Variants in LRRK1 observed in about 807,000 individuals in gnomAD.
LRRK1 encodes leucine-rich repeat serine/threonine-protein kinase 1.
Under a neutral mutation model 209.1 loss-of-function variants are expected in LRRK1, and 113 were observed. The observed-to-expected ratio is 0.54, with a 90% CI of 0.46 to 0.63. The LOEUF is 0.63. LRRK1 is among the 30% of genes least tolerant of loss of function. The probability of loss-of-function intolerance (pLI) is 0.00; values close to 1 mark genes in which losing one functional copy is unlikely to be tolerated. For missense variants in LRRK1, 2,284 were observed against 2,632.2 expected (o/e 0.87, Z 2.89); for synonymous variants, 1,144 against 1,099.7 (o/e 1.04, Z -0.80).
chr15:101,061,105 A>G (rs1434141572), intron 29 of LRRK1, 66 bp from the exon 30 acceptor site: 8 of 1,233,228 alleles, frequency 6.5e-6, no homozygotes, highest in Middle Eastern at 1.9e-4. Context: ...CTGGCAGGCC[A>G]GGCTCAGGGA....
At chr15:100,967,774 C>T (rs1185532173) in intron 2 of LRRK1, among the ~76,000 whole-genome samples, 2 of 152,230 alleles carry the variant, frequency 1.3e-5, no homozygotes, top group Non-Finnish European at 2.9e-5. Flanking sequence ...TCTTGCCTTT[C>T]TATCCAACCA....
intron 2 of LRRK1, among the ~76,000 whole-genome samples, chr15:100,925,794 G>C (rs2042099298): frequency 6.6e-6 from 1 of 152,180 alleles, no homozygotes. Context: ...AGGAACATGA[G>C]GGTAAGAGAA....
At chr15:101,054,327 G>A (rs183385596) in intron 26 of LRRK1, among the ~76,000 whole-genome samples, 5 of 152,334 alleles carry the variant, frequency 3.3e-5, no homozygotes, top group Admixed American at 6.5e-5. Flanking sequence ...GCCTTGACCT[G>A]AGGTGAACTC....
intron 2 of LRRK1, among the ~76,000 whole-genome samples, chr15:100,933,096 G>T (rs1049050953): frequency 2.0e-5 from 3 of 152,238 alleles, no homozygotes; most frequent in African/African-American, 4.8e-5. Context: ...CCTCCTGGGA[G>T]GCTCCTGCAG....
intron 30 of LRRK1, among the ~76,000 whole-genome samples, chr15:101,061,861 T>C (rs912878046): frequency 3.3e-5 from 5 of 152,044 alleles, no homozygotes; most frequent in Non-Finnish European, 7.4e-5. Context: ...AATACAAAAA[T>C]TAGCTGGGCA....
chr15:101,061,365 A>G, intron 30 of LRRK1, 77 bp downstream of exon 30: 1 of 968,940 alleles, frequency 1.0e-6, no homozygotes, highest in Non-Finnish European at 1.6e-6. Flanking sequence ...GGCCACATTC[A>G]TAAAAATACA....
At chr15:100,924,132 T>G (rs998814302) in intron 1 of LRRK1, among the ~76,000 whole-genome samples, 1 of 152,160 alleles carries the variant, frequency 6.6e-6, no homozygotes, top group Non-Finnish European at 1.5e-5. Context: ...CTACCCCCAC[T>G]GGAGTGTGCC....
At chr15:100,956,501 A>AGGCT (rs2042767218) in intron 2 of LRRK1, among the ~76,000 whole-genome samples, 2 of 111,654 alleles carry the variant, frequency 1.8e-5, no homozygotes, top group South Asian at 5.6e-4. Flanking sequence ...TGTCACCCCC[A>AGGCT]GGCTGGAGGG....
At chr15:100,920,889 G>A (rs2042009141) in intron 1 of LRRK1, among the ~76,000 whole-genome samples, 1 of 152,100 alleles carries the variant, frequency 6.6e-6, no homozygotes, top group African/African-American at 2.4e-5. Context: ...TCCAGCCTCT[G>A]CTGTCTCGGA....
At chr15:101,041,361 ATAAT>A (rs1307523834) in intron 20 of LRRK1, among the ~76,000 whole-genome samples, 3 of 152,244 alleles carry the variant, frequency 2.0e-5, no homozygotes, top group African/African-American at 4.8e-5. Context: ...CACATTTATC[ATAAT>A]TAATTATATG....
chr15:100,999,470 A>C (rs2032587359), intron 6 of LRRK1, among the ~76,000 whole-genome samples: 2 of 152,148 alleles, frequency 1.3e-5, no homozygotes, highest in Admixed American at 6.5e-5. Context: ...CTGGCCAGAG[A>C]ACTTAACTCT....
chr15:101,021,455 A>G (rs1368254304), intron 13 of LRRK1, among the ~76,000 whole-genome samples: 2 of 152,192 alleles, frequency 1.3e-5, no homozygotes, highest in Non-Finnish European at 1.5e-5. Context: ...CTGAGCTCCC[A>G]TTGCATGCCA....
intron 12 of LRRK1, among the ~76,000 whole-genome samples, chr15:101,019,716 G>T (rs920762915): frequency 6.6e-6 from 1 of 152,176 alleles, no homozygotes; most frequent in Non-Finnish European, 1.5e-5. Flanking sequence ...TCCATGTCTG[G>T]CAGGGAACCC....
chr15:101,044,671 C>T (rs1037927326), intron 20 of LRRK1, among the ~76,000 whole-genome samples: 3 of 152,214 alleles, frequency 2.0e-5, no homozygotes, highest in African/African-American at 7.2e-5. Flanking sequence ...TGCTGGGACG[C>T]CTGGGGACAG....
intron 2 of LRRK1, among the ~76,000 whole-genome samples, chr15:100,941,358 G>C (rs1264896111): frequency 1.4e-5 from 2 of 142,080 alleles, no homozygotes; most frequent in African/African-American, 2.8e-5. Context: ...TTGTGTGTGT[G>C]TGTGTGTGCC....
rs756972516 is a variant in LRRK1, at chr15:101,055,055, G to A, written c.4164G>A (p.Lys1388=). The change falls in exon 27 of 34, where the codon AAG becomes AAA. Residue 1388 remains lysine, a synonymous_variant. Coordinates refer to ENST00000388948, the MANE Select transcript of LRRK1 (RefSeq NM_024652.6). ...HKKNIIFCDL[K]SDNILVWSLD... is the part of the protein sequence containing the mutation. ...AAAACATCATCTTCTGTGACCTGAAGTCGGACAACATTCTGGTGTGGTCCC... is the reference window on the plus strand; with the variant it reads ...AAAACATCATCTTCTGTGACCTGAAATCGGACAACATTCTGGTGTGGTCCC... 1 of 1,614,186 alleles carries A rather than the reference G, an allele frequency of 6.2e-7. No individual in the cohort carries two copies. Among genetic ancestry groups the A allele is most frequent in the South Asian group, 1.1e-5 (1 of 91,078 alleles).
chr15:101,071,644 C>G lies in LRRK1; in HGVS notation c.*2796C>G, dbSNP rs1188862457. On this transcript the variant is annotated 3_prime_UTR_variant, in exon 34 of 34. Transcript: ENST00000388948. ...AGCTCAGGTGATCCGCCCGCCTCAT[C>G]CTCCCAAAGTGCTGGGATTACAGGT... is the stretch of plus-strand genomic sequence containing the variant. 1 of 152,238 alleles carries G rather than the reference C, an allele frequency of 6.6e-6. No individual in the cohort carries two copies. The highest frequency in any genetic ancestry group is 1.9e-4 in the East Asian group (1 of 5,196). The allele number at this position is 152,238 out of a possible 1,614,324, so 9.4% of individuals were successfully genotyped here. A position where few individuals can be genotyped will look rare whatever the true frequency, so the allele number is the denominator to read the frequency against.
chr15:101,048,778 G>A (rs761329271), intron 22 of LRRK1, 121 bp downstream of exon 22: 111 of 755,488 alleles, frequency 1.5e-4, no homozygotes, highest in Non-Finnish European at 2.0e-4. Flanking sequence ...AGAGCGGCTC[G>A]TCATGGCAGC....
At chr15:100,962,917 G>C (rs1264065394) in intron 2 of LRRK1, among the ~76,000 whole-genome samples, 3 of 139,894 alleles carry the variant, frequency 2.1e-5, no homozygotes, top group Non-Finnish European at 4.6e-5. Context: ...TCTACCTCCC[G>C]AGTTCAAGCA....
Sources: gnomAD v4.1 joint callset for allele counts (sites outside exome capture counted in the v4.1 genomes callset) on GRCh38, gnomAD v4.1.1 for gene constraint, MANE v1.5 for transcripts, NCBI Gene and HGNC (gene_info 2026-07-23, HGNC 2026-07-21) for gene names.